Variants in CDKL5 observed in about 807,000 individuals in gnomAD.
The protein encoded by CDKL5 is cyclin-dependent kinase-like 5.
Under a neutral mutation model 61.7 loss-of-function variants are expected in CDKL5, and 8 were observed. The ratio of observed to expected loss-of-function variants is 0.13; its 90% CI spans 0.08 to 0.23. The LOEUF is 0.23. Among genes scored for constraint, CDKL5 ranks in the 10% least tolerant of loss-of-function variants. The pLI, the probability that CDKL5 is intolerant of heterozygous loss-of-function variation, is 1.00. For synonymous variants in CDKL5, 275 were observed against 272.3 expected, an observed-to-expected ratio of 1.01 and a Z score of -0.10; for missense variants, 440 against 734.5, an observed-to-expected ratio of 0.60 and a Z score of 4.63.
chrX:18,531,295 A>G (rs1025997210), intron 3 of CDKL5, among the ~76,000 whole-genome samples: 1 of 112,506 alleles, frequency 8.9e-6, no homozygotes, highest in Non-Finnish European at 1.9e-5. Flanking sequence ...ACCTAAAAGA[A>G]GAGGAGATTT....
At chrX:18,551,429 G>A (rs2147122410) in intron 3 of CDKL5, among the ~76,000 whole-genome samples, 1 of 109,004 alleles carries the variant, frequency 9.2e-6, no homozygotes, top group East Asian at 2.9e-4. Context: ...TTCTGGATAT[G>A]TGGGTTTGTT....
At position 18,600,977 on chromosome X, in the gene CDKL5, G is replaced by A. The variant is rs913513426; in HGVS notation, c.977+2364G>A. On this transcript the variant is annotated intron_variant, in intron 11 of 17. Coordinates refer to ENST00000623535, the MANE Select transcript of CDKL5 (RefSeq NM_001323289.2). ...GTCTATGGTCCATACTTATTCCATG[G>A]ATGCTTTTTTGGTTAGAGACATTAA... Among the ~76,000 whole-genome samples the A allele has an allele frequency of 4.5e-5, 5 of 111,513 alleles. No individual in the cohort carries two copies. The Admixed American group carries it at 4.7e-4, about 11-fold the overall frequency.
intron 16 of CDKL5, among the ~76,000 whole-genome samples, chrX:18,623,536 A>G (rs1312498598): frequency 8.9e-6 from 1 of 112,074 alleles, no homozygotes. Context: ...GCTCTTTAAC[A>G]CAGTTCTTTA....
chrX:18,627,851 G>A (rs1927114276), intron 17 of CDKL5: 1 of 108,826 alleles, frequency 9.2e-6, no homozygotes, highest in South Asian at 4.0e-4. Flanking sequence ...AATATCGAGA[G>A]AGGGAAATTG....
chrX:18,600,112 AATAG>A (rs1485009668), intron 11 of CDKL5, among the ~76,000 whole-genome samples: 1 of 112,254 alleles, frequency 8.9e-6, no homozygotes, highest in Non-Finnish European at 1.9e-5. Context: ...AGTTGTTCTT[AATAG>A]ATCAGATTTT....
chrX:18,610,183 C>A (rs1386281037), intron 14 of CDKL5, among the ~76,000 whole-genome samples: 1 of 109,079 alleles, frequency 9.2e-6, no homozygotes, highest in Non-Finnish European at 1.9e-5. Flanking sequence ...TTCCAGACTT[C>A]CCATGATCTG....
intron 3 of CDKL5, among the ~76,000 whole-genome samples, chrX:18,563,983 A>T (rs1179375980): frequency 2.7e-5 from 3 of 111,894 alleles, no homozygotes; most frequent in Non-Finnish European, 5.6e-5. Context: ...TGGAATGTTT[A>T]TCTCACTTTG....
chrX:18,508,442 T>G (rs927901546), intron 2 of CDKL5, among the ~76,000 whole-genome samples: 1 of 112,071 alleles, frequency 8.9e-6, no homozygotes, highest in Admixed American at 9.5e-5. Context: ...ATGTAAAAAT[T>G]TCATTTTCAG....
At chrX:18,490,495 A>G (rs1921956899) in intron 1 of CDKL5, among the ~76,000 whole-genome samples, 2 of 110,807 alleles carry the variant, frequency 1.8e-5, no homozygotes, top group African/African-American at 6.6e-5. Flanking sequence ...AGGTAGGCAC[A>G]TGAATCTTCA....
intron 9 of CDKL5, among the ~76,000 whole-genome samples, chrX:18,592,928 G>C (rs1387646699): frequency 8.9e-6 from 1 of 111,820 alleles, no homozygotes; most frequent in Non-Finnish European, 1.9e-5. Flanking sequence ...CCATAGTATA[G>C]GGCCTAGGCT....
chrX:18,624,544 A>G (rs1926979717), intron 16 of CDKL5, among the ~76,000 whole-genome samples: 1 of 111,958 alleles, frequency 8.9e-6, no homozygotes. Context: ...GAATAGAGCA[A>G]TTGCATTCAT....
chrX:18,451,449 C>A (rs1932015015), intron 1 of CDKL5, among the ~76,000 whole-genome samples: 1 of 112,421 alleles, frequency 8.9e-6, no homozygotes, highest in South Asian at 3.6e-4. Context: ...GCCTTGCCTC[C>A]CAAAGTGCTG....
At chrX:18,432,649 A>G (rs1032771807) in intron 1 of CDKL5, among the ~76,000 whole-genome samples, 1 of 97,455 alleles carries the variant, frequency 1.0e-5, no homozygotes, top group Non-Finnish European at 2.0e-5. Context: ...TCTGTCACTC[A>G]GGCTAGAGTG....
At chrX:18,602,209 A>G (rs1254578943) in intron 11 of CDKL5, among the ~76,000 whole-genome samples, 2 of 112,215 alleles carry the variant, frequency 1.8e-5, no homozygotes, top group Admixed American at 9.4e-5. Context: ...GGCCGGGCTC[A>G]TGGGGGTGGA....
chrX:18,621,248 ATGTT>A (rs1462136166), intron 16 of CDKL5, among the ~76,000 whole-genome samples: 1 of 111,925 alleles, frequency 8.9e-6, no homozygotes, highest in Non-Finnish European at 1.9e-5. Flanking sequence ...GATTAGGTAG[ATGTT>A]CATAGCAATG....
At position 18,632,467 on chromosome X, in the gene CDKL5, C is replaced by G. The variant is rs1927262957; in HGVS notation, c.*3710C>G. The stretch of plus-strand genomic sequence containing the variant: ...GCATCCGTGGCTTTCAGCTGTGTCT[C>G]CCGAAAGAAAATGTCTTTGTTTTTT... On this transcript the variant is annotated 3_prime_UTR_variant, in exon 18 of 18. Coordinates refer to ENST00000623535, the MANE Select transcript of CDKL5 (RefSeq NM_001323289.2). 2 of 752,608 alleles carry G rather than the reference C, an allele frequency of 2.7e-6. No homozygotes were observed. Among genetic ancestry groups the G allele is most frequent in the African/African-American group, 4.6e-5 (2 of 43,310 alleles). The allele number at this position is 752,608 out of a possible 1,213,427, so 62.0% of individuals were successfully genotyped here.
intron 1 of CDKL5, among the ~76,000 whole-genome samples, chrX:18,460,477 G>T (rs944777368): frequency 9.0e-6 from 1 of 111,157 alleles, no homozygotes; most frequent in Admixed American, 9.6e-5. Context: ...CCATATCAAG[G>T]TTCTTTTTAT....
intron 1 of CDKL5, among the ~76,000 whole-genome samples, chrX:18,447,679 G>A (rs1931912100): frequency 1.8e-5 from 2 of 110,628 alleles, no homozygotes; most frequent in South Asian, 7.6e-4. Context: ...CCTCCCTCCT[G>A]TGTGGGCTTC....
intron 1 of CDKL5, among the ~76,000 whole-genome samples, chrX:18,502,593 T>G (rs980966593): frequency 9.0e-6 from 1 of 111,254 alleles, no homozygotes; most frequent in African/African-American, 3.3e-5. Context: ...ATGAGAAGTT[T>G]ATGAGAAGTG....
Sources: gnomAD v4.1 joint callset for allele counts (sites outside exome capture counted in the v4.1 genomes callset) on GRCh38, gnomAD v4.1.1 for gene constraint, MANE v1.5 for transcripts, NCBI Gene and HGNC (gene_info 2026-07-23, HGNC 2026-07-21) for gene names.